The following KIAA1217 variants were observed in gnomAD, a reference collection of about 807,000 sequenced individuals.
KIAA1217 encodes KIAA1217, also known as sickle tail protein homolog.
In KIAA1217, 88 loss-of-function variants were observed where a neutral mutation model predicts 163.9. The ratio of observed to expected loss-of-function variants is 0.54; its 90% confidence interval spans 0.45 to 0.64. The LOEUF (loss-of-function observed/expected upper bound fraction) is 0.64, where lower values mean the gene tolerates loss of function less well. Among genes scored for constraint, KIAA1217 ranks in the 30% least tolerant of loss-of-function variants. The pLI is 0.00. For missense variants in KIAA1217, 2,372 were observed against 2,475.0 expected, an observed-to-expected ratio of 0.96 and a Z score of 0.88; for synonymous variants, 903 against 923.1, an observed-to-expected ratio of 0.98 and a Z score of 0.39.
intron 2 of KIAA1217, among the ~76,000 whole-genome samples, chr10:24,099,793 A>G (rs1427517605): frequency 4.5e-5 from 6 of 132,982 alleles, no homozygotes; most frequent in Admixed American, 8.6e-5. Context: ...CCTGTGTCCA[A>G]GTGTTCTCAT....
At chr10:24,397,660 A>G (rs1245811046) in intron 3 of KIAA1217, among the ~76,000 whole-genome samples, 1 of 152,214 alleles carries the variant, frequency 6.6e-6, no homozygotes, top group Non-Finnish European at 1.5e-5. Flanking sequence ...AGAAATTGAC[A>G]GTTTGAAAAG....
chr10:24,363,515 T>C (rs2050297667), intron 2 of KIAA1217, among the ~76,000 whole-genome samples: 1 of 152,084 alleles, frequency 6.6e-6, no homozygotes, highest in African/African-American at 2.4e-5. Context: ...GGTAGTTGAG[T>C]CTTCCTGTTT....
At chr10:24,202,896 A>G (rs1333284934) in intron 2 of KIAA1217, among the ~76,000 whole-genome samples, 1 of 152,198 alleles carries the variant, frequency 6.6e-6, no homozygotes, top group African/African-American at 2.4e-5. Flanking sequence ...ATTTTAGAAA[A>G]TAGGTATACC....
chr10:23,950,717 G>T (rs540086573), intron 1 of KIAA1217, among the ~76,000 whole-genome samples: 1 of 152,194 alleles, frequency 6.6e-6, no homozygotes, highest in South Asian at 2.1e-4. Context: ...GATGGGGTGG[G>T]GATGGCTTTG....
intron 2 of KIAA1217, among the ~76,000 whole-genome samples, chr10:24,308,852 G>A (rs1590824040): frequency 6.6e-6 from 1 of 152,158 alleles, no homozygotes; most frequent in African/African-American, 2.4e-5. Context: ...GCTGGGCACA[G>A]TGGCTCATGC....
At chr10:24,339,507 G>T (rs1309769776) in intron 2 of KIAA1217, among the ~76,000 whole-genome samples, 1 of 152,170 alleles carries the variant, frequency 6.6e-6, no homozygotes, top group Admixed American at 6.5e-5. Context: ...GAATTACTAG[G>T]TTCAGAAGCC....
chr10:24,489,848 G>C (rs1169037920), intron 6 of KIAA1217, among the ~76,000 whole-genome samples: 2 of 117,132 alleles, frequency 1.7e-5, no homozygotes, highest in Non-Finnish European at 3.3e-5. Context: ...TGGGAACAGA[G>C]TGAGAACCTG....
chr10:23,826,755 A>G (rs1172028359), intron 1 of KIAA1217, among the ~76,000 whole-genome samples: 1 of 152,118 alleles, frequency 6.6e-6, no homozygotes, highest in East Asian at 1.9e-4. Flanking sequence ...TCGACTCCTC[A>G]AATGCTCCAA....
At chr10:24,407,834 G>A (rs928120329) in intron 3 of KIAA1217, among the ~76,000 whole-genome samples, 2 of 152,094 alleles carry the variant, frequency 1.3e-5, no homozygotes, top group Non-Finnish European at 2.9e-5. Context: ...AGGCGGACCC[G>A]TGAAAAGCGT....
At chr10:24,483,848 G>A (rs1214349412) in intron 6 of KIAA1217, among the ~76,000 whole-genome samples, 2 of 152,178 alleles carry the variant, frequency 1.3e-5, no homozygotes, top group African/African-American at 4.8e-5. Flanking sequence ...CAAAACAGGT[G>A]ATTTCATAAA....
intron 2 of KIAA1217, among the ~76,000 whole-genome samples, chr10:24,030,251 CAA>C (rs1564621616): frequency 1.3e-5 from 2 of 151,960 alleles, no homozygotes. Flanking sequence ...TGTCCTCGCC[CAA>C]ATCTCATCTC....
rs1320732125 is a variant in KIAA1217, at chr10:23,818,330, TTTTA to T, written c.-321+123098_-321+123101del. Among the ~76,000 whole-genome samples the T allele has an allele frequency of 3.4e-3, 300 of 87,672 alleles. 1 individual carries two copies. The highest frequency in any genetic ancestry group is 0.014 in the African/African-American group (282 of 20,774). 57.5% of individuals were successfully genotyped at this position (87,672 alleles called of 152,430 possible). A position where few individuals can be genotyped will look rare whatever the true frequency, so the allele number is the denominator to read the frequency against. On this transcript the variant is annotated intron_variant, in intron 1 of 18. Transcript: ENST00000376462. The stretch of plus-strand genomic sequence containing the variant: ...ATATATATATAACACTATATATATA[TTTTA>T]TATATATATATAAAAAAATATATAT...
intron 2 of KIAA1217, among the ~76,000 whole-genome samples, chr10:24,319,952 G>T (rs567676431): frequency 5.9e-5 from 9 of 152,106 alleles, no homozygotes; most frequent in Non-Finnish European, 8.8e-5. Flanking sequence ...ACTAAAACCC[G>T]CATGAATGAT....
At chr10:24,324,161 C>T (rs767844256) in intron 2 of KIAA1217, among the ~76,000 whole-genome samples, 23 of 151,774 alleles carry the variant, frequency 1.5e-4, no homozygotes, top group African/African-American at 1.9e-4. Flanking sequence ...CCAGCTACCA[C>T]GGAGGCTGAG....
intron 2 of KIAA1217, among the ~76,000 whole-genome samples, chr10:24,191,429 AACTT>A (rs993753125): frequency 1.3e-5 from 2 of 152,138 alleles, no homozygotes; most frequent in African/African-American, 4.8e-5. Flanking sequence ...AGTCAACAAT[AACTT>A]AATTGTACAT....
At position 24,524,418 on chromosome 10, in the gene KIAA1217, G is replaced by A. The variant is rs781512216; in HGVS notation, c.2552G>A (p.Ser851Asn). Reference sequence around the variant, plus strand: ...GCCACAGCCGCAGAAGTCCTGAAGAGTCAGGAGGAGGCAGCCCACACCTCC... The same window carrying A: ...GCCACAGCCGCAGAAGTCCTGAAGAATCAGGAGGAGGCAGCCCACACCTCC... Reference protein sequence around the residue: ...EKATAAEVLKSQEEAAHTSGQ... With the variant: ...EKATAAEVLKNQEEAAHTSGQ... The change falls in exon 13 of 21, where the codon AGT (serine) becomes AAT (asparagine). Residue 851 changes from serine (S) to asparagine (N), a missense_variant. By Grantham distance (46) the Ser-to-Asn change is conservative. This residue lies in a region of KIAA1217 where 1,431 missense variants were observed against 1,470.3 expected (regional missense o/e 0.97). Transcript: ENST00000376454. 1.2e-6 allele frequency: 2 copies of A among 1,614,166 alleles called. No individual in the cohort carries two copies. The highest frequency in any genetic ancestry group is 1.3e-5 in the African/African-American group (1 of 75,058).
Position 24,433,304 on chromosome 10 carries a change from GT to G in KIAA1217, c.752+118del, listed in dbSNP as rs574061369. The stretch of plus-strand genomic sequence containing the variant: ...TTACCCACTATATTGCATTTAGAGT[GT>G]TTTTTTGTTTTTTGTTTTTTGTTTT... On this transcript the variant is annotated intron_variant, in intron 4 of 20. Transcript: ENST00000376454. 3 of 742,556 alleles carry G rather than the reference GT, an allele frequency of 4.0e-6. No homozygotes were observed. The East Asian group carries it at 8.2e-5, about 20-fold the overall frequency. 46.0% of individuals were successfully genotyped at this position (742,556 alleles called of 1,614,324 possible).
intron 14 of KIAA1217, among the ~76,000 whole-genome samples, chr10:24,528,321 T>TG (rs1491426746): frequency 2.2e-4 from 16 of 71,688 alleles, no homozygotes; most frequent in Non-Finnish European, 3.2e-4. Context: ...TTTTTTTTTT[T>TG]GTTTTTTTTT....
intron 1 of KIAA1217, among the ~76,000 whole-genome samples, chr10:23,728,438 T>A (rs900903335): frequency 6.6e-6 from 1 of 152,208 alleles, no homozygotes; most frequent in African/African-American, 2.4e-5. Flanking sequence ...TTTTTCCATA[T>A]GTTTGTTGGC....
Sources: allele counts gnomAD v4.1 joint callset (sites outside exome capture counted in the v4.1 genomes callset), GRCh38; gene constraint gnomAD v4.1.1; regional missense constraint gnomAD v4.1.1; transcripts MANE v1.5; gene names NCBI Gene and HGNC (gene_info 2026-07-23, HGNC 2026-07-21).